The following DTD1 variants were observed in gnomAD, a reference collection of about 807,000 sequenced individuals.
DTD1 encodes the protein D-aminoacyl-tRNA deacylase 1, also known as D-tyrosyl-tRNA deacylase 1 homolog.
Under a neutral mutation model 25.6 loss-of-function variants are expected in DTD1, and 13 were observed. That is an observed-to-expected ratio of 0.51 (90% CI 0.33 to 0.81). The LOEUF (loss-of-function observed/expected upper bound fraction) is 0.81, where lower values mean the gene tolerates loss of function less well. DTD1 is among the 30% of genes least tolerant of loss of function. DTD1 has a pLI of 0.02. For missense variants in DTD1, 193 were observed against 266.4 expected (o/e 0.72, Z 1.92); for synonymous variants, 110 against 103.6 (o/e 1.06, Z -0.37).
intron 4 of DTD1, among the ~76,000 whole-genome samples, chr20:18,669,156 AC>A (rs1355589283): frequency 6.7e-5 from 9 of 133,618 alleles, no homozygotes; most frequent in African/African-American, 1.8e-4. Context: ...TGACATGGGG[AC>A]CAGGGGGTAG....
At chr20:18,725,960 T>C (rs2061221091) in intron 4 of DTD1, among the ~76,000 whole-genome samples, 1 of 152,236 alleles carries the variant, frequency 6.6e-6, no homozygotes, top group African/African-American at 2.4e-5. Flanking sequence ...GCCTCCTTGC[T>C]CTGCTCCCTC....
At chr20:18,597,018 ATGT>A (rs2060614745) in intron 3 of DTD1, among the ~76,000 whole-genome samples, 1 of 152,016 alleles carries the variant, frequency 6.6e-6, no homozygotes, top group Admixed American at 6.5e-5. Flanking sequence ...TTATAATGAC[ATGT>A]GTCTACCATT....
chr20:18,692,363 T>A (rs1457391857), intron 4 of DTD1, among the ~76,000 whole-genome samples: 2 of 152,252 alleles, frequency 1.3e-5, no homozygotes, highest in Non-Finnish European at 2.9e-5. Context: ...CCATTCATAT[T>A]TGCCACAAGC....
chr20:18,756,697 G>T (rs1453518628), intron 5 of DTD1, among the ~76,000 whole-genome samples: 1 of 151,770 alleles, frequency 6.6e-6, no homozygotes, highest in Non-Finnish European at 1.5e-5. Flanking sequence ...TTGAAGTCAG[G>T]TAGTGTGATG....
intron 3 of DTD1, among the ~76,000 whole-genome samples, chr20:18,600,051 TG>T (rs2060627546): frequency 6.6e-6 from 1 of 152,222 alleles, no homozygotes; most frequent in African/African-American, 2.4e-5. Flanking sequence ...TCTCAATCTG[TG>T]GCTTGTCTTT....
intron 3 of DTD1, among the ~76,000 whole-genome samples, chr20:18,608,337 C>G (rs973207829): frequency 6.7e-6 from 1 of 150,330 alleles, no homozygotes; most frequent in Non-Finnish European, 1.5e-5. Flanking sequence ...ATTTTCTCTA[C>G]TGGTTTCCTA....
chr20:18,609,579 G>A (rs965841577), intron 3 of DTD1, among the ~76,000 whole-genome samples: 1 of 151,876 alleles, frequency 6.6e-6, no homozygotes, highest in African/African-American at 2.4e-5. Flanking sequence ...TTGAAGCTCT[G>A]TAGCAGAGCC....
chr20:18,754,003 T>C (rs2061330215), intron 5 of DTD1, among the ~76,000 whole-genome samples: 1 of 152,112 alleles, frequency 6.6e-6, no homozygotes, highest in Non-Finnish European at 1.5e-5. Flanking sequence ...GCCTTACCTT[T>C]CTAGGTAAAT....
At chr20:18,708,395 G>C (rs1239365071) in intron 4 of DTD1, among the ~76,000 whole-genome samples, 1 of 123,290 alleles carries the variant, frequency 8.1e-6, no homozygotes, top group Non-Finnish European at 1.6e-5. Context: ...TCACTCTGTC[G>C]CCCAGGCTGG....
intron 4 of DTD1, among the ~76,000 whole-genome samples, chr20:18,676,688 T>C (rs1007033669): frequency 2.6e-5 from 4 of 152,212 alleles, no homozygotes; most frequent in Non-Finnish European, 5.9e-5. Flanking sequence ...CTTCAGAGCC[T>C]TGAAGACCAG....
chr20:18,656,726 C>T lies in DTD1; in HGVS notation c.477+28493C>T, dbSNP rs1025051235. Among the ~76,000 whole-genome samples, 7 of 152,280 alleles carry T rather than the reference C, an allele frequency of 4.6e-5. No homozygotes were observed. The East Asian group carries it at 5.8e-4, about 13-fold the overall frequency. Reference sequence around the variant, plus strand: ...TGAAGTCTTCTGTTTACCAGGGAATCGGAGGTTTGAAATCAAGCTTAGACT... The same window carrying T: ...TGAAGTCTTCTGTTTACCAGGGAATTGGAGGTTTGAAATCAAGCTTAGACT... On this transcript the variant is annotated intron_variant, in intron 4 of 5. Transcript: ENST00000377452.
chr20:18,620,208 A>G (rs1188998757), intron 3 of DTD1: 4 of 152,218 alleles, frequency 2.6e-5, no homozygotes, highest in Admixed American at 2.6e-4. Context: ...CAGCTTATTT[A>G]CTTCCAGAAA....
chr20:18,597,091 T>C (rs1361962299), intron 3 of DTD1, among the ~76,000 whole-genome samples: 1 of 152,100 alleles, frequency 6.6e-6, no homozygotes, highest in Non-Finnish European at 1.5e-5. Context: ...TTTTCTGTTC[T>C]GGCTTCTCAA....
intron 4 of DTD1, among the ~76,000 whole-genome samples, chr20:18,688,889 G>T (rs556276646): frequency 6.6e-6 from 1 of 152,074 alleles, no homozygotes; most frequent in Non-Finnish European, 1.5e-5. Flanking sequence ...TGGCCTGTGG[G>T]GGGTGGGGAG....
intron 4 of DTD1, among the ~76,000 whole-genome samples, chr20:18,699,631 A>C (rs1386767056): frequency 6.6e-6 from 1 of 152,128 alleles, no homozygotes; most frequent in South Asian, 2.1e-4. Context: ...GAAGTACCTC[A>C]GTTTGGAAGC....
intron 4 of DTD1, chr20:18,631,055 C>T (rs1202182087): frequency 3.0e-6 from 3 of 985,240 alleles, no homozygotes; most frequent in African/African-American, 1.7e-5. Context: ...AACCTCTTTC[C>T]CCTTGTCTGT....
At chr20:18,716,896 T>C (rs999163250) in intron 4 of DTD1, among the ~76,000 whole-genome samples, 2 of 149,486 alleles carry the variant, frequency 1.3e-5, no homozygotes, top group Non-Finnish European at 3.0e-5. Context: ...ATGAATTTTC[T>C]TTTTTTTTTA....
intron 3 of DTD1, among the ~76,000 whole-genome samples, chr20:18,617,981 G>T (rs1478245823): frequency 2.6e-5 from 4 of 152,034 alleles, no homozygotes; most frequent in Non-Finnish European, 4.4e-5. Context: ...AATAGATCTT[G>T]TATTGTTGGA....
At chr20:18,656,122 T>A (rs780701388) in intron 4 of DTD1, among the ~76,000 whole-genome samples, 3 of 152,206 alleles carry the variant, frequency 2.0e-5, no homozygotes, top group Non-Finnish European at 4.4e-5. Context: ...AGTATTTTTC[T>A]ATGTAAATAT....
Sources: gnomAD v4.1 joint callset for allele counts (sites outside exome capture counted in the v4.1 genomes callset) on GRCh38, gnomAD v4.1.1 for gene constraint, MANE v1.5 for transcripts, NCBI Gene and HGNC (gene_info 2026-07-23, HGNC 2026-07-21) for gene names.